The following NUP58 variants were observed in gnomAD, a reference collection of about 807,000 sequenced individuals.
NUP58 encodes the protein nucleoporin 58, also known as nucleoporin p58/p45.
A neutral mutation model predicts 70.1 loss-of-function variants in NUP58; 17 were observed. The ratio of observed to expected loss-of-function variants is 0.24; its 90% CI spans 0.17 to 0.36. NUP58 has a LOEUF of 0.36. Among genes scored for constraint, NUP58 ranks in the 10% least tolerant of loss-of-function variants. The pLI, the probability that NUP58 is intolerant of heterozygous loss-of-function variation, is 1.00. For synonymous variants in NUP58, 275 were observed against 257.6 expected, an observed-to-expected ratio of 1.07 and a Z score of -0.65; for missense variants, 644 against 701.5, an observed-to-expected ratio of 0.92 and a Z score of 0.93.
chr13:25,335,701 T>A (rs1267799598), intron 13 of NUP58: 2 of 984,416 alleles, frequency 2.0e-6, no homozygotes, highest in Non-Finnish European at 2.4e-6. Flanking sequence ...ATGTAGTTCC[T>A]CGGTTGTTTT....
At chr13:25,322,025 T>A (rs1335034012) in intron 9 of NUP58, among the ~76,000 whole-genome samples, 1 of 152,262 alleles carries the variant, frequency 6.6e-6, no homozygotes, top group Non-Finnish European at 1.5e-5. Context: ...ATTAAATATA[T>A]GTCGTTCTTT....
intron 10 of NUP58, 60 bp downstream of exon 10, chr13:25,325,128 A>C: frequency 8.7e-7 from 1 of 1,155,936 alleles, no homozygotes; most frequent in Middle Eastern, 2.0e-4. Context: ...GAACAGTAAT[A>C]ATAGTATACA....
Position 25,320,317 on chromosome 13 carries a change from C to CTTCATGTCAGAT in NUP58, c.711-212_711-201dup, listed in dbSNP as rs555921845. On this transcript the variant is annotated intron_variant, in intron 7 of 15. Transcript: ENST00000381736. ...ATGCCAATCTTCTTAGATAAGAAAT[C>CTTCATGTCAGAT]TTCATGTCAGATGAATTGTTAAAAT... The CTTCATGTCAGAT allele has an allele frequency of 1.1e-3, 445 of 404,400 alleles. 2 individuals carry two copies. The highest frequency in any genetic ancestry group is 8.9e-3 in the African/African-American group (421 of 47,458). The allele number at this position is 404,400 out of a possible 1,614,324, so 25.1% of individuals were successfully genotyped here.
At chr13:25,302,159 T>C (rs572441835) in intron 1 of NUP58, among the ~76,000 whole-genome samples, 3 of 152,380 alleles carry the variant, frequency 2.0e-5, no homozygotes, top group South Asian at 2.1e-4. Flanking sequence ...GGGTCTTGAC[T>C]GCGTGGAAGG....
chr13:25,331,718 G>A, intron 13 of NUP58, 160 bp downstream of exon 13: 6 of 1,430,280 alleles, frequency 4.2e-6, no homozygotes, highest in Non-Finnish European at 5.5e-6. Context: ...AAACATACCT[G>A]ATAAAAAAGG....
chr13:25,344,352 G>A (rs2032024194), downstream of NUP58, among the ~76,000 whole-genome samples: 2 of 152,148 alleles, frequency 1.3e-5, no homozygotes, highest in Non-Finnish European at 2.9e-5. Context: ...AAATAAGGAT[G>A]ATATACATGG....
intron 9 of NUP58, among the ~76,000 whole-genome samples, chr13:25,324,354 A>G (rs1435528734): frequency 1.3e-5 from 2 of 152,204 alleles, no homozygotes; most frequent in Non-Finnish European, 2.9e-5. Context: ...GTAAGGGGGT[A>G]AACAATACTA....
intron 6 of NUP58, among the ~76,000 whole-genome samples, chr13:25,315,799 T>G (rs1341307159): frequency 1.3e-5 from 2 of 152,196 alleles, no homozygotes; most frequent in African/African-American, 4.8e-5. Context: ...TGTTTTACTT[T>G]GGGAAGTAAA....
chr13:25,336,314 T>G (rs1483298839), intron 13 of NUP58: 1 of 1,184,600 alleles, frequency 8.4e-7, no homozygotes, highest in South Asian at 1.2e-5. Context: ...TGATTTGCTT[T>G]ACAATGAACA....
intron 6 of NUP58, chr13:25,317,772 A>G (rs1318699548): frequency 6.6e-6 from 1 of 152,184 alleles, no homozygotes; most frequent in Non-Finnish European, 1.5e-5. Flanking sequence ...AAACATGGAA[A>G]CATAAATTAC....
intron 8 of NUP58, 22 bp from the exon 9 acceptor site, chr13:25,320,897 C>G: frequency 3.5e-6 from 5 of 1,423,820 alleles, no homozygotes; most frequent in South Asian, 1.4e-5. Flanking sequence ...TTTTAAAACT[C>G]AGTTTTAAAT....
downstream of NUP58, among the ~76,000 whole-genome samples, chr13:25,346,495 A>G (rs2032052086): frequency 6.6e-6 from 1 of 152,012 alleles, no homozygotes; most frequent in Non-Finnish European, 1.5e-5. Context: ...TGAGGTGGGC[A>G]GATCACCTGA....
intron 12 of NUP58, among the ~76,000 whole-genome samples, chr13:25,329,561 G>T (rs1438744218): frequency 6.6e-6 from 1 of 152,114 alleles, no homozygotes; most frequent in East Asian, 1.9e-4. Flanking sequence ...AAGAACCAAA[G>T]AATATTTTAT....
At chr13:25,336,417 TG>T (rs2031784615) in intron 13 of NUP58, 1 of 594,852 alleles carries the variant, frequency 1.7e-6, no homozygotes, top group Non-Finnish European at 2.5e-6. Context: ...CCTAGTTTTT[TG>T]GGTACTTACT....
chr13:25,331,639 G>A, intron 13 of NUP58, 81 bp downstream of exon 13: 1 of 1,527,858 alleles, frequency 6.5e-7, no homozygotes, highest in South Asian at 1.2e-5. Flanking sequence ...TTCCATTTGT[G>A]TGAGCACTGA....
In NUP58 at chr13:25,340,083, ACTC is replaced by A. The variant is rs1324125156; in HGVS notation, c.1752_1754del (p.Leu585del). 3 of 1,613,504 alleles carry A rather than the reference ACTC, an allele frequency of 1.9e-6. No individual in the cohort carries two copies. Among genetic ancestry groups the A allele is most frequent in the Admixed American group, 3.3e-5 (2 of 59,860 alleles). On this transcript the variant is annotated inframe_deletion, in exon 16 of 16. Coordinates refer to ENST00000381736, the MANE Select transcript of NUP58 (RefSeq NM_014089.4). Reference sequence around the variant, plus strand: ...CTGCAGGTTTTGGAACAGGAGGACAACTCCTTCAGTTGAAGAAACCTCCAGCTG... The same window carrying A: ...CTGCAGGTTTTGGAACAGGAGGACAACTTCAGTTGAAGAAACCTCCAGCTG...
At chr13:25,327,808 A>C (rs1008271501) in intron 12 of NUP58, among the ~76,000 whole-genome samples, 1 of 152,164 alleles carries the variant, frequency 6.6e-6, no homozygotes, top group Non-Finnish European at 1.5e-5. Context: ...AATAGTTAAC[A>C]TAGGAGTTTG....
At chr13:25,332,137 A>G (rs2031629159) in intron 13 of NUP58, 1 of 988,340 alleles carries the variant, frequency 1.0e-6, no homozygotes, top group South Asian at 4.6e-5. Flanking sequence ...CTAGAATTGT[A>G]CCTTTCCAAG....
chr13:25,302,909 GTTTGTC>G (rs2030100996), intron 1 of NUP58: 2 of 453,052 alleles, frequency 4.4e-6, no homozygotes, highest in South Asian at 3.2e-5. Flanking sequence ...TGCCATTTCT[GTTTGTC>G]TTTATTTCCA....
Sources: gnomAD v4.1 joint callset for allele counts (sites outside exome capture counted in the v4.1 genomes callset) on GRCh38, gnomAD v4.1.1 for gene constraint, MANE v1.5 for transcripts, NCBI Gene and HGNC (gene_info 2026-07-23, HGNC 2026-07-21) for gene names.